The following ABCB7 variants were observed in gnomAD, a reference collection of about 807,000 sequenced individuals.
ABCB7 encodes the protein ATP binding cassette subfamily B member 7, also known as iron-sulfur clusters transporter ABCB7, mitochondrial.
Under a neutral mutation model 54.4 loss-of-function variants are expected in ABCB7, and 7 were observed. That is an observed-to-expected ratio of 0.13 (90% confidence interval 0.07 to 0.24). The LOEUF (loss-of-function observed/expected upper bound fraction) is 0.24. Among genes scored for constraint, ABCB7 ranks in the 10% least tolerant of loss-of-function variants. The pLI is 1.00. For synonymous variants in ABCB7, 218 were observed against 207.1 expected (o/e 1.05, Z -0.45); for missense variants, 356 against 570.4 (o/e 0.62, Z 3.83).
At chrX:75,078,966 GGA>G (rs1379500229) in intron 4 of ABCB7, among the ~76,000 whole-genome samples, 2 of 112,019 alleles carry the variant, frequency 1.8e-5, no homozygotes, top group Non-Finnish European at 3.8e-5. Context: ...TTCTTCAGTA[GGA>G]GAAAAAGTGA....
chrX:75,093,184 T>C (rs1205153088), intron 4 of ABCB7, among the ~76,000 whole-genome samples: 3 of 111,580 alleles, frequency 2.7e-5, no homozygotes, highest in Admixed American at 1.9e-4. Flanking sequence ...AACAGGTGAG[T>C]GGATAAACAC....
At chrX:75,127,821 G>A (rs897886827) in intron 1 of ABCB7, among the ~76,000 whole-genome samples, 5 of 111,598 alleles carry the variant, frequency 4.5e-5, no homozygotes, top group Admixed American at 1.9e-4. Context: ...AACAGAGAGC[G>A]AAATCATGAG....
chrX:75,112,284 T>C (rs1341187249), intron 3 of ABCB7, among the ~76,000 whole-genome samples: 1 of 111,289 alleles, frequency 9.0e-6, no homozygotes, highest in Non-Finnish European at 1.9e-5. Context: ...AGGAAGAAAA[T>C]AAAGGCAAGC....
intron 4 of ABCB7, among the ~76,000 whole-genome samples, chrX:75,083,686 C>T (rs1370409783): frequency 9.4e-6 from 1 of 106,577 alleles, no homozygotes; most frequent in African/African-American, 3.5e-5. Flanking sequence ...TCCTACTTGG[C>T]TTTAAAACTT....
chrX:75,079,490 TA>T (rs199713669), intron 4 of ABCB7, among the ~76,000 whole-genome samples: 1,478 of 110,231 alleles, frequency 0.013, 19 homozygotes, highest in African/African-American at 0.046. Context: ...TGAGAATCTT[TA>T]AAAAAAAATA....
At chrX:75,102,714 T>A (rs754020079) in intron 3 of ABCB7, among the ~76,000 whole-genome samples, 1 of 111,475 alleles carries the variant, frequency 9.0e-6, no homozygotes, top group South Asian at 3.7e-4. Flanking sequence ...AGTTTTAGTT[T>A]TTTGAGAAAT....
rs776139198 is a variant in ABCB7 at position 75,111,443 on chromosome X, C to G, written c.333+1443G>C. Among the ~76,000 whole-genome samples the G allele has an allele frequency of 5.4e-5, 6 of 111,610 alleles. No individual in the cohort carries two copies. In the East Asian group the frequency reaches 1.7e-3, roughly 32 times the overall value. On this transcript the variant is annotated intron_variant, in intron 3 of 15. Coordinates refer to ENST00000373394, the MANE Select transcript of ABCB7 (RefSeq NM_001271696.3). ...TGTGAGGAGTTAACTCATTTAAATCCCCTTCAAAATTATCATCTCCATTTT... is the reference window on the plus strand; with the variant it reads ...TGTGAGGAGTTAACTCATTTAAATCGCCTTCAAAATTATCATCTCCATTTT...
chrX:75,148,355 GT>G (rs1394830127), intron 1 of ABCB7, among the ~76,000 whole-genome samples: 1 of 109,113 alleles, frequency 9.2e-6, no homozygotes, highest in East Asian at 2.9e-4. Flanking sequence ...AATTTTTTTT[GT>G]TTGTTTTTTA....
chrX:75,092,047 T>C (rs1462424654), intron 4 of ABCB7, among the ~76,000 whole-genome samples: 1 of 110,964 alleles, frequency 9.0e-6, no homozygotes, highest in Non-Finnish European at 1.9e-5. Context: ...TCCCAGTAAG[T>C]AATTTTGTGG....
Position 75,150,558 on chromosome X carries a change from A to C in ABCB7, c.168+5547T>G, listed in dbSNP as rs1028894180. ...ATAATGTAAAAATTATGTACATGAA[A>C]GAACAGAGATTCAAAGGAAAAAGGA... On this transcript the variant is annotated intron_variant, in intron 1 of 15. Transcript: ENST00000373394. Among the ~76,000 whole-genome samples, 4 of 111,761 alleles carry C rather than the reference A, an allele frequency of 3.6e-5. No individual in the cohort carries two copies. The Admixed American group carries it at 3.8e-4, about 11-fold the overall frequency.
chrX:75,123,727 C>T (rs1348652144), intron 1 of ABCB7, among the ~76,000 whole-genome samples: 3 of 111,167 alleles, frequency 2.7e-5, no homozygotes, highest in Non-Finnish European at 5.7e-5. Flanking sequence ...CTTTCACCTC[C>T]TTGGTTAAAT....
Position 75,071,663 on chromosome X carries a change from A to G in ABCB7, c.1053T>C (p.Tyr351=). The stretch of plus-strand genomic sequence containing the variant: ...AAAATCCATCATATCTCTGTGCTTC[A>G]TATCTTTCATTATTAAAATACTACA... ...ETVKYFNNER[Y]EAQRYDGFLK... is the part of the protein sequence containing the mutation. The change falls in exon 9 of 16, where the codon TAT becomes TAC. Residue 351 remains tyrosine (Y), a synonymous_variant. Coordinates refer to ENST00000373394, the MANE Select transcript of ABCB7 (RefSeq NM_001271696.3). The G allele has an allele frequency of 8.5e-7, 1 of 1,177,692 alleles. No homozygotes were observed. Among genetic ancestry groups the G allele is most frequent in the Non-Finnish European group, 1.2e-6 (1 of 867,159 alleles).
chrX:75,154,493 CT>C (rs2082158396), intron 1 of ABCB7, among the ~76,000 whole-genome samples: 1 of 112,250 alleles, frequency 8.9e-6, no homozygotes. Flanking sequence ...CCATAAAATA[CT>C]TTAAAAACCT....
chrX:75,156,111 G>C lies in ABCB7; in HGVS notation c.162C>G (p.Ala54=), dbSNP rs1243050726. 1 of 1,208,182 alleles carries C rather than the reference G, an allele frequency of 8.3e-7. No homozygotes were observed. Among genetic ancestry groups the C allele is most frequent in the Non-Finnish European group, 1.1e-6 (1 of 894,496 alleles). The change falls in exon 1 of 16, where the codon GCC becomes GCG. Residue 54 remains alanine (A), a synonymous_variant. Transcript: ENST00000373394. The part of the protein sequence containing the change: ...HQLGALGTAR[A]YQIPESLKSI... ...CATGTCAGTGGCATCTCACCTGGTA[G>C]GCTCGAGCGGTTCCCAAGGCGCCGA... is the stretch of plus-strand genomic sequence containing the variant.
chrX:75,073,815 T>C lies in ABCB7; in HGVS notation c.945-39A>G, dbSNP rs780258866. ...ATTTGCATAGGCATGAAATACATGT[T>C]ATAAAAGCAAAACAATTTCTAAATT... On this transcript the variant is annotated intron_variant, in intron 7 of 15. Coordinates refer to ENST00000373394, the MANE Select transcript of ABCB7 (RefSeq NM_001271696.3). 9 of 1,188,716 alleles carry C rather than the reference T, an allele frequency of 7.6e-6. No homozygotes were observed. In the East Asian group the frequency reaches 2.4e-4, roughly 31 times the overall value.
chrX:75,109,886 A>G (rs185902082), intron 3 of ABCB7, among the ~76,000 whole-genome samples: 7 of 112,057 alleles, frequency 6.2e-5, no homozygotes, highest in Admixed American at 1.9e-4. Flanking sequence ...ATAACAATGG[A>G]TTTATAAAAA....
At chrX:75,076,827 T>TC (rs2081414750) in intron 4 of ABCB7, among the ~76,000 whole-genome samples, 173 bp from the exon 5 acceptor site, 1 of 111,973 alleles carries the variant, frequency 8.9e-6, no homozygotes, top group Non-Finnish European at 1.9e-5. Context: ...GGGAGAGCTG[T>TC]CATTTCAGGC....
intron 3 of ABCB7, among the ~76,000 whole-genome samples, chrX:75,104,888 T>C (rs915958845): frequency 8.9e-6 from 1 of 111,911 alleles, no homozygotes; most frequent in Non-Finnish European, 1.9e-5. Flanking sequence ...GATGCAAGAA[T>C]ATATGCAAAT....
intron 4 of ABCB7, among the ~76,000 whole-genome samples, chrX:75,083,248 C>T (rs185933513): frequency 8.1e-5 from 9 of 111,031 alleles, no homozygotes; most frequent in Admixed American, 3.8e-4. Flanking sequence ...TAACCTCTAC[C>T]CAATACACAC....
Sources: allele counts gnomAD v4.1 joint callset (sites outside exome capture counted in the v4.1 genomes callset), GRCh38; gene constraint gnomAD v4.1.1; transcripts MANE v1.5; gene names NCBI Gene and HGNC (gene_info 2026-07-23, HGNC 2026-07-21).